The following NAALADL2 variants were observed in gnomAD, a reference collection of about 807,000 sequenced individuals.
The protein encoded by NAALADL2 is inactive N-acetylated-alpha-linked acidic dipeptidase-like protein 2.
Under a neutral mutation model 87.2 loss-of-function variants are expected in NAALADL2, and 76 were observed. The observed-to-expected ratio is 0.87, with a 90% CI of 0.72 to 1.05. NAALADL2 has a LOEUF of 1.05. Among genes scored for constraint, NAALADL2 ranks in the 50% least tolerant of loss-of-function variants. NAALADL2 has a pLI of 0.00. For missense variants in NAALADL2, 1,089 were observed against 945.8 expected, an observed-to-expected ratio of 1.15 and a Z score of -1.99; for synonymous variants, 354 against 331.0, an observed-to-expected ratio of 1.07 and a Z score of -0.75.
At chr3:175,191,023 A>G (rs1470938730) in intron 2 of NAALADL2, among the ~76,000 whole-genome samples, 1 of 151,870 alleles carries the variant, frequency 6.6e-6, no homozygotes, top group East Asian at 1.9e-4. Context: ...ACCAATACGT[A>G]GAATGAACGA....
At chr3:174,964,071 T>A (rs1742530211) in intron 1 of NAALADL2, among the ~76,000 whole-genome samples, 1 of 152,076 alleles carries the variant, frequency 6.6e-6, no homozygotes, top group Non-Finnish European at 1.5e-5. Flanking sequence ...TAAAATGAGA[T>A]TTTAAAAATA....
chr3:174,779,487 C>G (rs1715661677), intron 3 of NAALADL2, among the ~76,000 whole-genome samples: 2 of 152,114 alleles, frequency 1.3e-5, no homozygotes. Flanking sequence ...AATTAGATCC[C>G]ATTTGTCAAT....
chr3:175,758,423 C>G (rs1021774401), intron 13 of NAALADL2, among the ~76,000 whole-genome samples: 65 of 151,556 alleles, frequency 4.3e-4, no homozygotes, highest in African/African-American at 1.4e-3. Context: ...TGTGTGTATA[C>G]CTATATATAC....
At chr3:175,662,181 C>T (rs75312079) in intron 11 of NAALADL2, among the ~76,000 whole-genome samples, 1 of 151,754 alleles carries the variant, frequency 6.6e-6, no homozygotes, top group Non-Finnish European at 1.5e-5. Flanking sequence ...CAGTCTTTTA[C>T]AGTTTTCCTT....
chr3:174,493,294 G>A (rs1477208964), intron 1 of NAALADL2, among the ~76,000 whole-genome samples: 2 of 152,132 alleles, frequency 1.3e-5, no homozygotes, highest in Admixed American at 6.6e-5. Flanking sequence ...TATGACTGGT[G>A]TTCTTACTGA....
chr3:175,199,991 C>G (rs932595220), intron 2 of NAALADL2, among the ~76,000 whole-genome samples: 1 of 146,422 alleles, frequency 6.8e-6, no homozygotes, highest in Non-Finnish European at 1.5e-5. Flanking sequence ...GAAATAAATA[C>G]TCTTTCAGAC....
chr3:175,546,737 G>A (rs1371115532), intron 9 of NAALADL2, among the ~76,000 whole-genome samples: 1 of 152,068 alleles, frequency 6.6e-6, no homozygotes, highest in Non-Finnish European at 1.5e-5. Flanking sequence ...GGTTTCAGCT[G>A]TTAGTCTGAT....
intron 2 of NAALADL2, among the ~76,000 whole-genome samples, chr3:175,146,341 A>C (rs1730749950): frequency 6.6e-6 from 1 of 152,156 alleles, no homozygotes. Flanking sequence ...TAAGCATCAA[A>C]TATGTACAGT....
intron 5 of NAALADL2, among the ~76,000 whole-genome samples, chr3:175,377,695 A>C (rs1697984276): frequency 6.6e-6 from 1 of 152,124 alleles, no homozygotes; most frequent in Non-Finnish European, 1.5e-5. Context: ...CATGGCCTGT[A>C]CTGCACCCCA....
intron 4 of NAALADL2, among the ~76,000 whole-genome samples, chr3:175,292,161 G>A (rs759229439): frequency 4.6e-5 from 7 of 152,070 alleles, no homozygotes; most frequent in Non-Finnish European, 8.8e-5. Context: ...AAATGCACCA[G>A]GCATCAGTCT....
chr3:175,765,374 A>T lies in NAALADL2; in HGVS notation c.2189+9956A>T, dbSNP rs1439468019. 2.0e-5 allele frequency among the ~76,000 whole-genome samples: 3 copies of T among 152,212 alleles called. No homozygotes were observed. The East Asian group carries it at 5.8e-4, about 29-fold the overall frequency. On this transcript the variant is annotated intron_variant, in intron 13 of 13. Coordinates refer to ENST00000454872, the MANE Select transcript of NAALADL2 (RefSeq NM_207015.3). Reference sequence around the variant, plus strand: ...AGAAAAGCCCCCAAATTTTAAGAAAAACCAGATTAATATGCCAAAATTCAA... The same window carrying T: ...AGAAAAGCCCCCAAATTTTAAGAAATACCAGATTAATATGCCAAAATTCAA...
At position 175,806,368 on chromosome 3, in the gene NAALADL2, G is replaced by A. The variant is rs574835247; in HGVS notation, c.*3165G>A. On this transcript the variant is annotated 3_prime_UTR_variant, in exon 14 of 14. Transcript: ENST00000454872. ...TGTTAAGTCAACAATCTAAATCACC[G>A]TTTCTCAAAATGTGAAATTTAGAAA... The A allele has an allele frequency of 3.3e-5, 5 of 151,990 alleles. No individual in the cohort carries two copies. Among genetic ancestry groups the A allele is most frequent in the African/African-American group, 7.2e-5 (3 of 41,518 alleles). 9.4% of individuals were successfully genotyped at this position (151,990 alleles called of 1,614,324 possible). A position where few individuals can be genotyped will look rare whatever the true frequency, so the allele number is the denominator to read the frequency against.
At chr3:175,225,046 G>A (rs1251074392) in intron 2 of NAALADL2, among the ~76,000 whole-genome samples, 1 of 152,126 alleles carries the variant, frequency 6.6e-6, no homozygotes, top group Non-Finnish European at 1.5e-5. Flanking sequence ...GCCCAGGAAG[G>A]AAGGTAGTCT....
chr3:174,831,718 G>C (rs970846313), intron 3 of NAALADL2, among the ~76,000 whole-genome samples: 1 of 151,154 alleles, frequency 6.6e-6, no homozygotes, highest in African/African-American at 2.4e-5. Context: ...GTAGAATTCG[G>C]CTGTGAATCC....
At chr3:175,683,070 C>T (rs1298488292) in intron 11 of NAALADL2, among the ~76,000 whole-genome samples, 5 of 151,806 alleles carry the variant, frequency 3.3e-5, no homozygotes, top group Admixed American at 1.3e-4. Context: ...AGAGGTGATA[C>T]AAGAAACAGA....
intron 10 of NAALADL2, 75 bp from the exon 11 acceptor site, chr3:175,627,216 A>G: frequency 1.7e-6 from 2 of 1,212,080 alleles, no homozygotes; most frequent in South Asian, 2.8e-5. Flanking sequence ...TTTAATCTTT[A>G]AGGAAAATCC....
At chr3:175,176,989 G>T (rs1038295416) in intron 2 of NAALADL2, among the ~76,000 whole-genome samples, 6 of 152,046 alleles carry the variant, frequency 3.9e-5, no homozygotes, top group Non-Finnish European at 7.4e-5. Flanking sequence ...TTCGTATATA[G>T]AAGAATAAAC....
chr3:174,549,908 A>G (rs1476039295), intron 1 of NAALADL2, among the ~76,000 whole-genome samples: 1 of 151,744 alleles, frequency 6.6e-6, no homozygotes, highest in African/African-American at 2.4e-5. Flanking sequence ...TTTTTTTCCA[A>G]TGTCTCTTTT....
intron 2 of NAALADL2, among the ~76,000 whole-genome samples, chr3:174,653,514 ATACTT>A (rs773766790): frequency 2.0e-5 from 3 of 152,182 alleles, no homozygotes; most frequent in African/African-American, 4.8e-5. Context: ...TGTAAAATAA[ATACTT>A]TAATTTCAAG....
Sources: gnomAD v4.1 joint callset for allele counts (sites outside exome capture counted in the v4.1 genomes callset) on GRCh38, gnomAD v4.1.1 for gene constraint, MANE v1.5 for transcripts, NCBI Gene and HGNC (gene_info 2026-07-23, HGNC 2026-07-21) for gene names.